Variants in ARHGEF3 observed in about 807,000 individuals in gnomAD.
The protein encoded by ARHGEF3 is Rho guanine nucleotide exchange factor 3.
ARHGEF3 carries 28 observed loss-of-function variants against 63.2 expected under a neutral mutation model. That is an observed-to-expected ratio of 0.44 (90% CI 0.33 to 0.61). ARHGEF3 has a LOEUF of 0.61. Among genes scored for constraint, ARHGEF3 ranks in the 20% least tolerant of loss-of-function variants. The pLI, the probability that ARHGEF3 is intolerant of heterozygous loss-of-function variation, is 0.03. For missense variants in ARHGEF3, 533 were observed against 659.3 expected (o/e 0.81, Z 2.10); for synonymous variants, 266 against 254.2 (o/e 1.05, Z -0.44).
intron 2 of ARHGEF3, among the ~76,000 whole-genome samples, chr3:56,967,738 TTA>T (rs1279405883): frequency 5.8e-5 from 4 of 68,814 alleles, no homozygotes; most frequent in African/African-American, 1.7e-4. Context: ...GGTACTATAA[TTA>T]TATATATTAT....
chr3:56,968,860 G>T (rs1007873802), intron 2 of ARHGEF3, among the ~76,000 whole-genome samples: 7 of 152,070 alleles, frequency 4.6e-5, no homozygotes, highest in Admixed American at 3.3e-4. Flanking sequence ...GTCACATGTG[G>T]CATGTGGCCA....
chr3:56,734,480 A>T (rs2033462132), intron 8 of ARHGEF3, among the ~76,000 whole-genome samples: 1 of 152,206 alleles, frequency 6.6e-6, no homozygotes, highest in African/African-American at 2.4e-5. Flanking sequence ...GTACTATGTT[A>T]CTATGTTCAC....
At chr3:56,965,293 T>G (rs1465480708) in intron 2 of ARHGEF3, among the ~76,000 whole-genome samples, 4 of 152,282 alleles carry the variant, frequency 2.6e-5, no homozygotes, top group Non-Finnish European at 5.9e-5. Context: ...ATGTTATCAA[T>G]AGTTTTATGG....
At chr3:56,956,270 TA>T (rs59690406) in intron 3 of ARHGEF3, among the ~76,000 whole-genome samples, 17,505 of 151,968 alleles carry the variant, frequency 0.12, 1,275 homozygotes, top group East Asian at 0.25. Context: ...TACTTTTTTT[TA>T]AATTTTATTT....
chr3:57,038,930 G>A (rs558340673), intron 1 of ARHGEF3, among the ~76,000 whole-genome samples: 31 of 152,302 alleles, frequency 2.0e-4, no homozygotes, highest in Non-Finnish European at 3.8e-4. Flanking sequence ...GCTTATAGTC[G>A]CAGCACTTAA....
chr3:57,059,292 T>A (rs1206850660), intron 1 of ARHGEF3, among the ~76,000 whole-genome samples: 4 of 152,124 alleles, frequency 2.6e-5, no homozygotes, highest in African/African-American at 9.7e-5. Context: ...AGCAAGGGTG[T>A]CCAATTTTTT....
At position 56,994,064 on chromosome 3, in the gene ARHGEF3, C is replaced by CAAAAAAAAAAAAAAAAAAAAAAA. The variant is rs60299557; in HGVS notation, c.63-35176_63-35175insTTTTTTTTTTTTTTTTTTTTTTT. On this transcript the variant is annotated intron_variant, in intron 2 of 12. Transcript: ENST00000338458. ...GGGCGACAAGAGTGAAACTTCGTCTCAAAAAAAAAAAAAAAAAAAAAGCAC... is the reference window on the plus strand; with the variant it reads ...GGGCGACAAGAGTGAAACTTCGTCTCAAAAAAAAAAAAAAAAAAAAAAAAAAAAAAAAAAAAAAAAAAAAGCAC... Among the ~76,000 whole-genome samples the CAAAAAAAAAAAAAAAAAAAAAAA allele has an allele frequency of 3.7e-3, 219 of 59,704 alleles. 24 individuals are homozygous for CAAAAAAAAAAAAAAAAAAAAAAA. Among genetic ancestry groups the CAAAAAAAAAAAAAAAAAAAAAAA allele is most frequent in the Middle Eastern group, 0.012 (1 of 82 alleles). The allele number at this position is 59,704 out of a possible 152,430, so 39.2% of individuals were successfully genotyped here. A position where few individuals can be genotyped will look rare whatever the true frequency, so the allele number is the denominator to read the frequency against.
chr3:57,019,392 T>C (rs1265389832), intron 2 of ARHGEF3, among the ~76,000 whole-genome samples: 1 of 151,816 alleles, frequency 6.6e-6, no homozygotes, highest in Non-Finnish European at 1.5e-5. Flanking sequence ...GGCAAGAAAG[T>C]CACAGTCTTT....
rs369875267 is a variant in ARHGEF3 at position 56,893,516 on chromosome 3, C to A, written c.130-11162G>T. 6.6e-5 allele frequency among the ~76,000 whole-genome samples: 10 copies of A among 152,268 alleles called. No homozygotes were observed. The East Asian group carries it at 1.7e-3, about 27-fold the overall frequency. ...TTTATAACAACTGTCTATTAAGAAT[C>A]CACTGCCAGCATGGCACAGTGGCTC... is the stretch of plus-strand genomic sequence containing the variant. On this transcript the variant is annotated intron_variant, in intron 3 of 12. Transcript: ENST00000338458.
rs888105775 is a variant in ARHGEF3, at chr3:57,040,385, G to A, written c.-27-5209C>T. Among the ~76,000 whole-genome samples, 5 of 152,062 alleles carry A rather than the reference G, an allele frequency of 3.3e-5. No individual in the cohort carries two copies. In the East Asian group the frequency reaches 7.7e-4, roughly 23 times the overall value. Reference sequence around the variant, plus strand: ...CCAGCTACTCTGGAGGCTGAGGCAGGAGAATCACTTGAACCCAGGAGATGG... The same window carrying A: ...CCAGCTACTCTGGAGGCTGAGGCAGAAGAATCACTTGAACCCAGGAGATGG... On this transcript the variant is annotated intron_variant, in intron 1 of 12. Coordinates refer to the ARHGEF3 transcript ENST00000338458.
At chr3:56,802,932 G>C (rs1426320273), upstream of ARHGEF3, among the ~76,000 whole-genome samples, 1 of 152,168 alleles carries the variant, frequency 6.6e-6, no homozygotes, top group Non-Finnish European at 1.5e-5. Flanking sequence ...AAGGAGATGG[G>C]TCTATGGGTG....
intron 3 of ARHGEF3, among the ~76,000 whole-genome samples, chr3:56,947,260 C>A (rs548532882): frequency 6.6e-6 from 1 of 152,306 alleles, no homozygotes; most frequent in East Asian, 1.9e-4. Context: ...ATGAGAGGAT[C>A]AAATTCACAC....
At chr3:56,943,647 G>A (rs955985269) in intron 3 of ARHGEF3, among the ~76,000 whole-genome samples, 14 of 152,096 alleles carry the variant, frequency 9.2e-5, no homozygotes, top group African/African-American at 3.1e-4. Context: ...AGGCACAGTG[G>A]TTCACAACTG....
intron 3 of ARHGEF3, among the ~76,000 whole-genome samples, chr3:56,930,309 A>T (rs57088080): frequency 6.6e-6 from 1 of 152,216 alleles, no homozygotes; most frequent in East Asian, 1.9e-4. Context: ...CAATAGTTGC[A>T]TGAGTTTGTT....
intron 2 of ARHGEF3, among the ~76,000 whole-genome samples, chr3:56,973,239 G>A (rs569817110): frequency 2.6e-5 from 4 of 152,142 alleles, no homozygotes; most frequent in African/African-American, 4.8e-5. Context: ...GGCTGGTCTC[G>A]ATCTCCTGAC....
intron 3 of ARHGEF3, among the ~76,000 whole-genome samples, chr3:56,905,553 C>T (rs564296602): frequency 6.6e-6 from 1 of 152,336 alleles, no homozygotes; most frequent in Admixed American, 6.5e-5. Context: ...AACCAGCCTA[C>T]ACGCATAAGA....
intron 3 of ARHGEF3, among the ~76,000 whole-genome samples, chr3:56,914,775 T>C (rs2041941805): frequency 6.6e-6 from 1 of 152,170 alleles, no homozygotes; most frequent in Non-Finnish European, 1.5e-5. Flanking sequence ...ACTCTACTTA[T>C]ATGAGATACT....
intron 1 of ARHGEF3, among the ~76,000 whole-genome samples, chr3:57,053,933 T>C (rs573500846): frequency 4.6e-5 from 7 of 152,360 alleles, no homozygotes; most frequent in African/African-American, 1.4e-4. Flanking sequence ...GTTTCCACCT[T>C]TTGGTAATTA....
At chr3:56,889,744 C>A (rs1480399903) in intron 3 of ARHGEF3, among the ~76,000 whole-genome samples, 1 of 152,126 alleles carries the variant, frequency 6.6e-6, no homozygotes, top group African/African-American at 2.4e-5. Context: ...TTAATACATA[C>A]AAATAAGGTA....
Sources: allele counts gnomAD v4.1 joint callset (sites outside exome capture counted in the v4.1 genomes callset), GRCh38; gene constraint gnomAD v4.1.1; transcripts MANE v1.5; gene names NCBI Gene and HGNC (gene_info 2026-07-23, HGNC 2026-07-21).